The following ABCC9 variants were observed in gnomAD, a reference collection of about 807,000 sequenced individuals.
ABCC9 encodes ATP binding cassette subfamily C member 9, also known as ATP-binding cassette sub-family C member 9.
A neutral mutation model predicts 188.3 loss-of-function variants in ABCC9; 95 were observed. That is an observed-to-expected ratio of 0.50 (90% CI 0.43 to 0.60). The LOEUF (loss-of-function observed/expected upper bound fraction) is 0.60, where lower values mean the gene tolerates loss of function less well. Ranked by LOEUF, ABCC9 falls within the 20% of genes least tolerant of loss-of-function variation. The probability of loss-of-function intolerance (pLI) is 0.00; values close to 1 mark genes in which losing one functional copy is unlikely to be tolerated. For missense variants in ABCC9, 1,102 were observed against 1,876.3 expected, an observed-to-expected ratio of 0.59 and a Z score of 7.62; for synonymous variants, 659 against 652.7, an observed-to-expected ratio of 1.01 and a Z score of -0.15.
chr12:21,831,026 A>G (rs1463663267), intron 30 of ABCC9: 2 of 146,968 alleles, frequency 1.4e-5, no homozygotes, highest in Admixed American at 6.7e-5. Flanking sequence ...TCAATCTATC[A>G]TCTCTCTATA....
rs114699866 is a variant in ABCC9, at chr12:21,871,805, A to C, written c.2198+820T>G. On this transcript the variant is annotated intron_variant, in intron 18 of 39. Transcript: ENST00000261200. ...TCAGTGTAAAACCAAAAATGTCTCCAGACATTGCCAAATGTCCCCGGGGAC... is the reference window on the plus strand; with the variant it reads ...TCAGTGTAAAACCAAAAATGTCTCCCGACATTGCCAAATGTCCCCGGGGAC... 7.0e-3 allele frequency among the ~76,000 whole-genome samples: 1,066 copies of C among 152,262 alleles called. 11 individuals carry two copies. The highest frequency in any genetic ancestry group is 0.025 in the African/African-American group (1,019 of 41,552).
At chr12:21,925,882 C>T in intron 5 of ABCC9, 60 bp downstream of exon 5, 3 of 1,555,756 alleles carry the variant, frequency 1.9e-6, no homozygotes, top group Non-Finnish European at 1.8e-6. Context: ...GAAAAATAAC[C>T]CTTTGGGGGG....
intron 22 of ABCC9, among the ~76,000 whole-genome samples, chr12:21,856,306 A>G (rs2137470333): frequency 6.6e-6 from 1 of 152,270 alleles, no homozygotes; most frequent in South Asian, 2.1e-4. Flanking sequence ...CCAAACGGCC[A>G]ATTCAATGAA....
chr12:21,827,535 C>CACACAT (rs1432899095), intron 31 of ABCC9: 1 of 95,200 alleles, frequency 1.1e-5, no homozygotes, highest in East Asian at 2.3e-4. Flanking sequence ...ACAACACACA[C>CACACAT]ACACACACAC....
At chr12:21,804,842 G>T (rs1475214180) in intron 39 of ABCC9, among the ~76,000 whole-genome samples, 4 of 152,342 alleles carry the variant, frequency 2.6e-5, no homozygotes, top group African/African-American at 9.6e-5. Flanking sequence ...TCCAGGGCAG[G>T]TAAGAAATGT....
rs1431774425 is a variant in ABCC9 at position 21,915,492 on chromosome 12, G to A, written c.816+176C>T. On this transcript the variant is annotated intron_variant, in intron 7 of 39. Coordinates refer to ENST00000261200, the MANE Select transcript of ABCC9 (RefSeq NM_020297.4). ...TGTGTGTATATATGTGTGTGTGTGT[G>A]TGTGTGTGTATATATATATATATTT... Among the ~76,000 whole-genome samples the A allele has an allele frequency of 2.9e-4, 4 of 13,818 alleles. 1 individual carries two copies. The highest frequency in any genetic ancestry group is 5.4e-4 in the Non-Finnish European group (4 of 7,344). The allele number at this position is 13,818 out of a possible 152,430, so 9.1% of individuals were successfully genotyped here.
intron 2 of ABCC9, among the ~76,000 whole-genome samples, chr12:21,937,096 T>G (rs950708641): frequency 2.0e-5 from 3 of 152,152 alleles, no homozygotes; most frequent in Non-Finnish European, 4.4e-5. Flanking sequence ...CCATACTCAC[T>G]GAAAATGTAC....
intron 4 of ABCC9, among the ~76,000 whole-genome samples, chr12:21,932,086 C>A (rs1273615837): frequency 6.6e-6 from 1 of 151,970 alleles, no homozygotes; most frequent in African/African-American, 2.4e-5. Flanking sequence ...ATTTAAAGGT[C>A]TTCTAATATT....
In ABCC9 at chr12:21,853,956, C is replaced by G. The variant is rs1945098512; in HGVS notation, c.2506-1451G>C. On this transcript the variant is annotated intron_variant, in intron 22 of 39. Transcript: ENST00000261200. ...GTTTATAAAGGTCTTCTTCATTACCCTTCTTTCTTTGTTGCTTCTCCAATA... is the reference window on the plus strand; with the variant it reads ...GTTTATAAAGGTCTTCTTCATTACCGTTCTTTCTTTGTTGCTTCTCCAATA... 2.6e-5 allele frequency among the ~76,000 whole-genome samples: 4 copies of G among 152,284 alleles called. No individual in the cohort carries two copies. The South Asian group carries it at 8.3e-4, about 32-fold the overall frequency.
At chr12:21,840,817 A>G (rs373155294) in intron 29 of ABCC9, among the ~76,000 whole-genome samples, 75 of 152,376 alleles carry the variant, frequency 4.9e-4, no homozygotes, top group Middle Eastern at 6.8e-3. Context: ...ATCCTAATTC[A>G]TAGCTAAGAG....
intron 20 of ABCC9, among the ~76,000 whole-genome samples, chr12:21,861,982 A>G (rs1945530956): frequency 6.6e-6 from 1 of 152,136 alleles, no homozygotes; most frequent in South Asian, 2.1e-4. Flanking sequence ...GGGATTGAAG[A>G]TGCTGGGGGA....
At chr12:21,836,226 C>T (rs1415706312) in intron 30 of ABCC9, among the ~76,000 whole-genome samples, 2 of 152,176 alleles carry the variant, frequency 1.3e-5, no homozygotes, top group African/African-American at 4.8e-5. Flanking sequence ...ATGAACACAA[C>T]TCTGATCATA....
chr12:21,887,980 C>T, intron 14 of ABCC9, 46 bp from the exon 15 acceptor site: 3 of 1,419,984 alleles, frequency 2.1e-6, no homozygotes, highest in South Asian at 2.3e-5. Context: ...AATAAAACCA[C>T]CACCAACAAA....
chr12:21,923,681 A>T, intron 5 of ABCC9: 1 of 587,022 alleles, frequency 1.7e-6, no homozygotes, highest in Non-Finnish European at 3.0e-6. Flanking sequence ...GAGTATAAAA[A>T]ATGATACAAA....
chr12:21,849,710 G>T (rs186809316), intron 24 of ABCC9, among the ~76,000 whole-genome samples: 8 of 152,236 alleles, frequency 5.3e-5, no homozygotes, highest in Non-Finnish European at 8.8e-5. Flanking sequence ...TAGTGATGAT[G>T]CTTGGACTAA....
intron 39 of ABCC9, among the ~76,000 whole-genome samples, chr12:21,801,874 C>T (rs1379946765): frequency 1.3e-5 from 2 of 152,194 alleles, no homozygotes; most frequent in East Asian, 3.8e-4. Flanking sequence ...TGTTATGTCT[C>T]TCCACTTTAT....
chr12:21,899,139 T>C (rs1286726050), intron 12 of ABCC9, among the ~76,000 whole-genome samples: 1 of 152,204 alleles, frequency 6.6e-6, no homozygotes, highest in African/African-American at 2.4e-5. Context: ...GCAAATCTGA[T>C]TGATTTCTAA....
intron 30 of ABCC9, among the ~76,000 whole-genome samples, chr12:21,837,542 G>A (rs907383165): frequency 6.6e-6 from 1 of 152,078 alleles, no homozygotes; most frequent in African/African-American, 2.4e-5. Flanking sequence ...TTTTTTGAAA[G>A]TAAACACCCT....
intron 39 of ABCC9, 145 bp downstream of exon 39, chr12:21,805,853 A>ATTTTTTTT: frequency 2.5e-6 from 2 of 802,386 alleles, no homozygotes; most frequent in Non-Finnish European, 2.1e-6. Context: ...ACATCTTCGT[A>ATTTTTTTT]TTTTTTTTCT....
Sources: allele counts gnomAD v4.1 joint callset (sites outside exome capture counted in the v4.1 genomes callset), GRCh38; gene constraint gnomAD v4.1.1; transcripts MANE v1.5; gene names NCBI Gene and HGNC (gene_info 2026-07-23, HGNC 2026-07-21).